The following TGM3 variants were observed in gnomAD, a reference collection of about 807,000 sequenced individuals.
TGM3 encodes transglutaminase 3.
TGM3 carries 52 observed loss-of-function variants against 73.8 expected under a neutral mutation model. The ratio of observed to expected loss-of-function variants is 0.70; its 90% CI spans 0.56 to 0.89. TGM3 has a LOEUF of 0.89. TGM3 is among the 40% of genes least tolerant of loss of function. TGM3 has a pLI of 0.00. For missense variants in TGM3, 928 were observed against 909.9 expected (o/e 1.02, Z -0.26); for synonymous variants, 372 against 354.9 (o/e 1.05, Z -0.54).
At chr20:2,325,749 A>G in intron 7 of TGM3, 100 bp from the exon 8 acceptor site, 1 of 835,110 alleles carries the variant, frequency 1.2e-6, no homozygotes, top group Non-Finnish European at 2.0e-6. Flanking sequence ...CACTCGATGC[A>G]TGTTGTCATG....
rs2084329019 is a variant in TGM3 at position 2,332,864 on chromosome 20, C to G, written c.1642+554C>G. ...TTCAAATTTGACCTCAGGAGGGTGG[C>G]AATGACCACGGGACCCTAAACCTTG... On this transcript the variant is annotated intron_variant, in intron 10 of 12. Transcript: ENST00000381458. The surrounding 1 kb of genome is among the most constrained non-coding windows in gnomAD (Gnocchi z 4.4). Among the ~76,000 whole-genome samples, 1 of 152,174 alleles carries G rather than the reference C, an allele frequency of 6.6e-6. No homozygotes were observed. Among genetic ancestry groups the G allele is most frequent in the Non-Finnish European group, 1.5e-5 (1 of 68,024 alleles).
At chr20:2,305,835 A>G (rs1467277732) in intron 1 of TGM3, among the ~76,000 whole-genome samples, 1 of 152,198 alleles carries the variant, frequency 6.6e-6, no homozygotes, top group African/African-American at 2.4e-5. Flanking sequence ...GTAAAACAGG[A>G]CGTCTACAAG....
At chr20:2,315,123 G>A (rs992636268) in intron 5 of TGM3, among the ~76,000 whole-genome samples, 2 of 152,166 alleles carry the variant, frequency 1.3e-5, no homozygotes, top group Non-Finnish European at 2.9e-5. Context: ...GACTTAGAAG[G>A]CTGAGTCTCT....
chr20:2,328,133 C>G lies in TGM3; in HGVS notation c.1101C>G (p.Cys367Trp). 1 of 1,614,122 alleles carries G rather than the reference C, an allele frequency of 6.2e-7. No individual in the cohort carries two copies. Among genetic ancestry groups the G allele is most frequent in the Admixed American group, 1.7e-5 (1 of 60,028 alleles). ...PQERSQGVFQ[C>W]GPASVIGVRE... ...CTTGGCCTCCAGGGGTGTTCCAGTGCGGCCCCGCTTCGGTCATTGGTGTTC... is the reference window on the plus strand; with the variant it reads ...CTTGGCCTCCAGGGGTGTTCCAGTGGGGCCCCGCTTCGGTCATTGGTGTTC... The change falls in exon 9 of 13, where the codon TGC becomes TGG. Residue 367 changes from cysteine to tryptophan, a missense_variant. Cys to Trp is a radical substitution (Grantham distance 215). Transcript: ENST00000381458. This position sits in a 1 kb window ranked among gnomAD's most constrained non-coding sequence, Gnocchi z 5.2.
At position 2,312,908 on chromosome 20, in the gene TGM3, A is replaced by G. The variant is rs756517645; in HGVS notation, c.551A>G (p.Asp184Gly). Reference protein sequence around the residue: ...IGWNFGQFEEDILSICLSILD... With the variant: ...IGWNFGQFEEGILSICLSILD... ...TCTCGTTCTGAACAGTTTGAAGAAG[A>G]CATTCTCAGCATCTGCCTCTCAATC... The change falls in exon 5 of 13, where the codon GAC becomes GGC. Residue 184 changes from aspartate (D) to glycine (G), a missense_variant. Coordinates refer to ENST00000381458, the MANE Select transcript of TGM3 (RefSeq NM_003245.4). 2 of 1,614,182 alleles carry G rather than the reference A, an allele frequency of 1.2e-6. No individual in the cohort carries two copies. Among genetic ancestry groups the G allele is most frequent in the East Asian group, 2.2e-5 (1 of 44,872 alleles).
Position 2,339,565 on chromosome 20 carries a change from C to T in TGM3, c.1801-289C>T, listed in dbSNP as rs113225202. Among the ~76,000 whole-genome samples the T allele has an allele frequency of 7.4e-3, 1,131 of 152,210 alleles. 5 individuals are homozygous for T. Among genetic ancestry groups the T allele is most frequent in the Middle Eastern group, 0.034 (10 of 294 alleles). On this transcript the variant is annotated intron_variant, in intron 11 of 12. Transcript: ENST00000381458. Reference sequence around the variant, plus strand: ...TGGGAAGCAGGGTCTGAACTGGAGTCGGGGCAGGGAAGTAACAGTGTTGTT... The same window carrying T: ...TGGGAAGCAGGGTCTGAACTGGAGTTGGGGCAGGGAAGTAACAGTGTTGTT...
chr20:2,315,389 G>A (rs2084227895), intron 5 of TGM3, among the ~76,000 whole-genome samples: 1 of 152,184 alleles, frequency 6.6e-6, no homozygotes, highest in Non-Finnish European at 1.5e-5. Flanking sequence ...TCAGGAGATG[G>A]GGAAGGGCTG....
chr20:2,337,062 A>G (rs2084354742), intron 11 of TGM3, among the ~76,000 whole-genome samples: 2 of 151,984 alleles, frequency 1.3e-5, no homozygotes, highest in South Asian at 4.1e-4. Context: ...CCAACCGTAA[A>G]CTCCATGAGG....
In TGM3 at chr20:2,328,092, T is replaced by C. The variant is rs567971274; in HGVS notation, c.1088-28T>C. On this transcript the variant is annotated intron_variant, in intron 8 of 12. Coordinates refer to ENST00000381458, the MANE Select transcript of TGM3 (RefSeq NM_003245.4). This position sits in a 1 kb window ranked among gnomAD's most constrained non-coding sequence, Gnocchi z 5.2. ...CTGGGTAGGTTGTGGCCTTGGCATA[T>C]ATCCAGCCTCTGCATCTTGGCCTCC... 2.2e-4 allele frequency: 350 copies of C among 1,613,902 alleles called. 3 individuals are homozygous for C. In the South Asian group the frequency reaches 3.7e-3, roughly 17 times the overall value.
rs112469577 is a variant in TGM3 at position 2,332,315 on chromosome 20, C to T, written c.1642+5C>T. ...TGTCCCTGGACCCTGAGGAAGGTAA[C>T]GCATCCCGCAGTTGGAGGAGATCCA... On this transcript the variant is annotated splice_donor_5th_base_variant and intron_variant, in intron 10 of 12. Transcript: ENST00000381458. The surrounding 1 kb of genome is among the most constrained non-coding windows in gnomAD (Gnocchi z 4.4). The T allele has an allele frequency of 1.8e-3, 2,861 of 1,574,118 alleles. 46 individuals carry two copies. In the African/African-American group the frequency reaches 0.033, roughly 18 times the overall value.
At position 2,328,025 on chromosome 20, in the gene TGM3, AG is replaced by A. The variant is rs962503238; in HGVS notation, c.1088-90del. The A allele has an allele frequency of 2.4e-5, 38 of 1,554,636 alleles. No homozygotes were observed. In the African/African-American group the frequency reaches 4.2e-4, roughly 17 times the overall value. On this transcript the variant is annotated intron_variant, in intron 8 of 12. Coordinates refer to ENST00000381458, the MANE Select transcript of TGM3 (RefSeq NM_003245.4). This position sits in a 1 kb window ranked among gnomAD's most constrained non-coding sequence, Gnocchi z 5.2. ...GAAGGAATTTGGGCGGGGCAGAGGC[AG>A]GGGGTTGCAGTGGTCCTGGAAGGCC...
Position 2,328,081 on chromosome 20 carries a change from G to A in TGM3, c.1088-39G>A, listed in dbSNP as rs372503778. 8.7e-6 allele frequency: 14 copies of A among 1,613,048 alleles called. No homozygotes were observed. The highest frequency in any genetic ancestry group is 8.0e-5 in the African/African-American group (6 of 74,896). ...GGAATCGGGCACTGGGTAGGTTGTGGCCTTGGCATATATCCAGCCTCTGCA... is the reference window on the plus strand; with the variant it reads ...GGAATCGGGCACTGGGTAGGTTGTGACCTTGGCATATATCCAGCCTCTGCA... On this transcript the variant is annotated intron_variant, in intron 8 of 12. Coordinates refer to ENST00000381458, the MANE Select transcript of TGM3 (RefSeq NM_003245.4). This position sits in a 1 kb window ranked among gnomAD's most constrained non-coding sequence, Gnocchi z 5.2.
intron 1 of TGM3, among the ~76,000 whole-genome samples, chr20:2,302,714 T>TAAAAAAAAAAAAAAAAA: frequency 9.5e-6 from 1 of 105,268 alleles, no homozygotes; most frequent in Non-Finnish European, 1.9e-5. Context: ...AGAGGTTTTC[T>TAAAAAAAAAAAAAAAAA]AAAAAAAAAA....
Position 2,326,137 on chromosome 20 carries a change from G to A in TGM3, c.1087+185G>A, listed in dbSNP as rs1032503082. On this transcript the variant is annotated intron_variant, in intron 8 of 12. Coordinates refer to ENST00000381458, the MANE Select transcript of TGM3 (RefSeq NM_003245.4). ...TTGGCTCGGGCTGCTGTTTAAATGA[G>A]TGCCTGCCCTGCACCCACAATGGCC... 60 of 635,958 alleles carry A rather than the reference G, an allele frequency of 9.4e-5. No individual in the cohort carries two copies. In the African/African-American group the frequency reaches 1.0e-3, roughly 11 times the overall value. The allele number at this position is 635,958 out of a possible 1,614,324, so 39.4% of individuals were successfully genotyped here. A position where few individuals can be genotyped will look rare whatever the true frequency, so the allele number is the denominator to read the frequency against.
In TGM3 at chr20:2,335,126, T is replaced by A. The variant is rs745583578; in HGVS notation, c.1653T>A (p.His551Gln). The A allele has an allele frequency of 1.2e-6, 2 of 1,614,062 alleles. No homozygotes were observed. The highest frequency in any genetic ancestry group is 1.1e-5 in the South Asian group (1 of 91,092). ...MSLDPEEEAE[H>Q]PIKISYAQYE... ...GGCTTCTCCTTCCAGAGGCAGAACA[T>A]CCCATAAAGATCTCGTACGCTCAGT... is the stretch of plus-strand genomic sequence containing the variant. Residue 551 changes from histidine to glutamine, a missense_variant, in exon 11 of 13, where the codon CAT becomes CAA. Transcript: ENST00000381458.
rs762802307 is a variant in TGM3 at position 2,310,184 on chromosome 20, AC to A, written c.192del (p.Ser65GlnfsTer5). The A allele has an allele frequency of 8.5e-5, 137 of 1,613,908 alleles. No individual in the cohort carries two copies. The highest frequency in any genetic ancestry group is 1.1e-4 in the Non-Finnish European group (134 of 1,180,032). ...CCTCTGTCTTCTTTGACAGGGCCTT[AC>A]CCCTCAGAGTCGGCCATGACGAAGG... is the stretch of plus-strand genomic sequence containing the variant. The part of the protein sequence containing the change: ...RLEFIVSTGP[Y>X]PSESAMTKAV... On this transcript the variant is annotated frameshift_variant, in exon 3 of 13. Transcript: ENST00000381458. LOFTEE classifies it high-confidence loss of function.
chr20:2,310,956 C>T, intron 3 of TGM3, 55 bp from the exon 4 acceptor site: 2 of 1,486,606 alleles, frequency 1.3e-6, no homozygotes, highest in South Asian at 1.1e-5. Flanking sequence ...GAGGAACGAT[C>T]CCTACAGTCC....
At chr20:2,299,916 G>A (rs1004226778) in intron 1 of TGM3, among the ~76,000 whole-genome samples, 5 of 152,018 alleles carry the variant, frequency 3.3e-5, no homozygotes, top group African/African-American at 4.8e-5. Context: ...TGGCCAATAC[G>A]ACAAAATCTC....
At position 2,340,572 on chromosome 20, in the gene TGM3, A is replaced by G. The variant is rs375524079; in HGVS notation, c.2073A>G (p.Val691=). ...TCAAGGCCATGTTGTCCATCGATGTAGCCGAATGAAGGGCGCTGGTGGCCT... is the reference window on the plus strand; with the variant it reads ...TCAAGGCCATGTTGTCCATCGATGTGGCCGAATGAAGGGCGCTGGTGGCCT... ...PAIKAMLSID[V]AE The change falls in exon 13 of 13, where the codon GTA becomes GTG. Residue 691 remains valine, a synonymous_variant. Transcript: ENST00000381458. The G allele has an allele frequency of 4.3e-6, 7 of 1,614,158 alleles. No homozygotes were observed. The highest frequency in any genetic ancestry group is 5.9e-6 in the Non-Finnish European group (7 of 1,180,006).
Sources: gnomAD v4.1 joint callset for allele counts (sites outside exome capture counted in the v4.1 genomes callset) on GRCh38, gnomAD v4.1.1 for gene constraint, Gnocchi (gnomAD v3.1) non-coding constraint, MANE v1.5 for transcripts, NCBI Gene and HGNC (gene_info 2026-07-23, HGNC 2026-07-21) for gene names.